The following CRB1 variants were observed in gnomAD, a reference collection of about 807,000 sequenced individuals.
CRB1 encodes the protein crumbs cell polarity complex component 1.
Under a neutral mutation model 120.0 loss-of-function variants are expected in CRB1, and 83 were observed. That is an observed-to-expected ratio of 0.69 (90% confidence interval 0.58 to 0.83). The LOEUF is 0.83. CRB1 is among the 40% of genes least tolerant of loss of function. The probability of loss-of-function intolerance (pLI) is 0.00; values close to 1 mark genes in which losing one functional copy is unlikely to be tolerated. For synonymous variants in CRB1, 625 were observed against 612.5 expected (o/e 1.02, Z -0.30); for missense variants, 1,699 against 1,687.6 (o/e 1.01, Z -0.12).
the CRB1 span, among the ~76,000 whole-genome samples, chr1:197,240,015 A>G: frequency 1.3e-5 from 2 of 151,676 alleles, no homozygotes; most frequent in African/African-American, 4.8e-5. Flanking sequence ...TCCCCCATTT[A>G]TGATATAATT....
intron 5 of CRB1, among the ~76,000 whole-genome samples, chr1:197,408,048 T>C (rs1269815402): frequency 6.6e-6 from 1 of 152,094 alleles, no homozygotes; most frequent in Non-Finnish European, 1.5e-5. Flanking sequence ...TACCGTACAC[T>C]AGGAAGTAAA....
chr1:197,328,691 T>G lies in CRB1; in HGVS notation c.340T>G (p.Cys114Gly), dbSNP rs374426056. Residue 114 changes from cysteine to glycine, a missense_variant, in exon 2 of 12, where the codon TGT (cysteine) becomes GGT (glycine). Coordinates refer to ENST00000367400, the MANE Select transcript of CRB1 (RefSeq NM_201253.3). ...GTICETTIGS[C>G]GKNSCQHGGI... ...AATCTGTGAAACTACCATTGGTTCC[T>G]GTGGCAAGAACTCCTGCCAACATGG... 1.5e-5 allele frequency: 25 copies of G among 1,613,552 alleles called. No individual in the cohort carries two copies. The highest frequency in any genetic ancestry group is 2.1e-5 in the Non-Finnish European group (25 of 1,179,588).
At chr1:197,333,537 A>T (rs955708073) in intron 2 of CRB1, among the ~76,000 whole-genome samples, 19 of 152,246 alleles carry the variant, frequency 1.2e-4, no homozygotes, top group African/African-American at 4.6e-4. Flanking sequence ...GGGCAGAGAA[A>T]GGCCAGTTCA....
Position 197,428,003 on chromosome 1 carries a change from T to TTGTCTCATAC in CRB1, c.2676+2_2676+3insTGTCTCATAC. On this transcript the variant is annotated splice_region_variant and intron_variant, in intron 7 of 11. Transcript: ENST00000367400. The stretch of plus-strand genomic sequence containing the variant: ...TGTGCTGGAGACAACAGCTGCAAGG[T>TTGTCTCATAC]AATGATTACTCATACAAACTAGGTA... The TTGTCTCATAC allele has an allele frequency of 6.2e-7, 1 of 1,612,956 alleles. No homozygotes were observed. Among genetic ancestry groups the TTGTCTCATAC allele is most frequent in the Non-Finnish European group, 8.5e-7 (1 of 1,179,462 alleles).
the CRB1 span, among the ~76,000 whole-genome samples, chr1:197,206,023 G>T: frequency 6.6e-6 from 1 of 151,750 alleles, no homozygotes; most frequent in South Asian, 2.1e-4. Context: ...TCTCCTCTAG[G>T]TTTTCTAGTT....
chr1:197,219,289 CTAGTT>C, the CRB1 span, among the ~76,000 whole-genome samples: 2 of 152,204 alleles, frequency 1.3e-5, no homozygotes, highest in Non-Finnish European at 2.9e-5. Flanking sequence ...TCTGTGGTAA[CTAGTT>C]TAGTCTAGCA....
At position 197,421,810 on chromosome 1, in the gene CRB1, G is replaced by T. The variant is rs780399679; in HGVS notation, c.1982G>T (p.Gly661Val). The T allele has an allele frequency of 2.5e-5, 41 of 1,614,084 alleles. No homozygotes were observed. The South Asian group carries it at 4.3e-4, about 17-fold the overall frequency. ...ATTACCCTGGAGAACATCTCGTCTG[G>T]CTCATCATTAAATGTCAAGGCAGGC... ...NHITLENISS[G>V]SSLNVKAGCV... is the part of the protein sequence containing the mutation. Residue 661 changes from glycine (G) to valine (V), a missense_variant, in exon 6 of 12, where the codon GGC (glycine) becomes GTC (valine). Gly to Val is a moderately radical substitution (Grantham distance 109). Coordinates refer to ENST00000367400, the MANE Select transcript of CRB1 (RefSeq NM_201253.3).
chr1:197,406,003 C>A (rs1317799349), intron 5 of CRB1, among the ~76,000 whole-genome samples: 4 of 151,342 alleles, frequency 2.6e-5, no homozygotes, highest in Admixed American at 6.6e-5. Flanking sequence ...AGGTGAGGGG[C>A]GCCTCTGCCC....
At chr1:197,429,246 C>A in intron 7 of CRB1, 1 of 1,386,118 alleles carries the variant, frequency 7.2e-7, no homozygotes, top group Non-Finnish European at 9.7e-7. Flanking sequence ...TCTCTCTCTG[C>A]CACCACTCTG....
chr1:197,292,298 A>C (rs2125239429), intron 1 of CRB1, among the ~76,000 whole-genome samples: 1 of 152,316 alleles, frequency 6.6e-6, no homozygotes, highest in Non-Finnish European at 1.5e-5. Flanking sequence ...ACCTCTATGC[A>C]AATAAACTAG....
chr1:197,285,843 A>T (rs997808190), intron 1 of CRB1, among the ~76,000 whole-genome samples: 2 of 151,958 alleles, frequency 1.3e-5, no homozygotes, highest in African/African-American at 4.8e-5. Flanking sequence ...AATCAACTGG[A>T]TAGAGTTGAA....
rs987506299 is a variant in CRB1, at chr1:197,316,248, G to A, written c.71-12174G>A. Among the ~76,000 whole-genome samples the A allele has an allele frequency of 6.6e-5, 10 of 151,834 alleles. No homozygotes were observed. The South Asian group carries it at 1.0e-3, about 16-fold the overall frequency. ...CGCCCAGGCCGGACTGCCGTGGCAT[G>A]ATCTTGGCTCACTGCAAGCTCCGCC... is the stretch of plus-strand genomic sequence containing the variant. On this transcript the variant is annotated intron_variant, in intron 1 of 11. Transcript: ENST00000367400.
At chr1:197,229,565 G>A in the CRB1 span, among the ~76,000 whole-genome samples, 1 of 152,188 alleles carries the variant, frequency 6.6e-6, no homozygotes, top group Non-Finnish European at 1.5e-5. Context: ...CAGGTAGTGA[G>A]CATAGTGCCC....
At chr1:197,465,493 C>T (rs1218686789) in intron 11 of CRB1, among the ~76,000 whole-genome samples, 2 of 152,048 alleles carry the variant, frequency 1.3e-5, no homozygotes, top group African/African-American at 4.8e-5. Context: ...AAACTAAATA[C>T]TATTTCAATA....
At chr1:197,255,618 G>A in the CRB1 span, among the ~76,000 whole-genome samples, 4 of 151,876 alleles carry the variant, frequency 2.6e-5, no homozygotes, top group Non-Finnish European at 5.9e-5. Flanking sequence ...CTGTTTTGGA[G>A]AAAAAAGGAC....
intron 4 of CRB1, among the ~76,000 whole-genome samples, chr1:197,355,347 C>G (rs372654779): frequency 6.6e-6 from 1 of 152,202 alleles, no homozygotes; most frequent in Non-Finnish European, 1.5e-5. Flanking sequence ...GTGGATCCCA[C>G]GCAGGGGCCG....
intron 4 of CRB1, 86 bp from the exon 5 acceptor site, chr1:197,356,745 A>G: frequency 7.6e-7 from 1 of 1,320,664 alleles, no homozygotes; most frequent in Non-Finnish European, 1.1e-6. Context: ...AATCAATGCC[A>G]GTATAGCAGT....
At chr1:197,476,327 G>A (rs1253068982) in intron 11 of CRB1, among the ~76,000 whole-genome samples, 2 of 151,196 alleles carry the variant, frequency 1.3e-5, no homozygotes, top group African/African-American at 2.4e-5. Flanking sequence ...TTCATCACAT[G>A]GTCATAACAC....
chr1:197,394,607 C>A (rs1360027806), intron 5 of CRB1, among the ~76,000 whole-genome samples: 1 of 151,820 alleles, frequency 6.6e-6, no homozygotes, highest in African/African-American at 2.4e-5. Flanking sequence ...ATAATTAATG[C>A]AATTATGATA....
Sources: allele counts gnomAD v4.1 joint callset (sites outside exome capture counted in the v4.1 genomes callset), GRCh38; gene constraint gnomAD v4.1.1; transcripts MANE v1.5; gene names NCBI Gene and HGNC (gene_info 2026-07-23, HGNC 2026-07-21).